MORC3: variants seen among roughly 807,000 people sequenced by gnomAD.
The protein encoded by MORC3 is MORC family CW-type zinc finger protein 3.
In MORC3, 31 loss-of-function variants were observed where a neutral mutation model predicts 109.1. The ratio of observed to expected loss-of-function variants is 0.28; its 90% confidence interval spans 0.21 to 0.38. The LOEUF (loss-of-function observed/expected upper bound fraction) is 0.38. Ranked by LOEUF, MORC3 falls within the 10% of genes least tolerant of loss-of-function variation. The probability of loss-of-function intolerance (pLI) is 1.00; values close to 1 mark genes in which losing one functional copy is unlikely to be tolerated. For synonymous variants in MORC3, 395 were observed against 380.7 expected (o/e 1.04, Z -0.44); for missense variants, 867 against 1,135.8 (o/e 0.76, Z 3.40).
At chr21:36,360,388 T>A in intron 12 of MORC3, 130 bp downstream of exon 12, 1 of 911,420 alleles carries the variant, frequency 1.1e-6, no homozygotes, top group South Asian at 1.7e-5. Context: ...GTGGAGTGCG[T>A]AATATCAAGG....
At chr21:36,338,748 A>G (rs369984612) in intron 4 of MORC3, 26 bp from the exon 5 acceptor site, 30 of 1,577,946 alleles carry the variant, frequency 1.9e-5, no homozygotes, top group East Asian at 9.0e-5. Context: ...TATGTTGTCA[A>G]TCTGAGTCTT....
rs575143054 is a variant in MORC3 at position 36,335,217 on chromosome 21, G to A, written c.112+1499G>A. ...TATGTTTAAGAAACAGATAATAAAG[G>A]GAAATTGTATTCTTAGGAATTCTTA... On this transcript the variant is annotated intron_variant, in intron 2 of 16. Coordinates refer to ENST00000400485, the MANE Select transcript of MORC3 (RefSeq NM_015358.3). Among the ~76,000 whole-genome samples the A allele has an allele frequency of 2.6e-5, 4 of 151,982 alleles. No homozygotes were observed. The South Asian group carries it at 8.3e-4, about 32-fold the overall frequency.
At chr21:36,361,072 TAA>T (rs36107591) in intron 12 of MORC3, among the ~76,000 whole-genome samples, 35 of 139,218 alleles carry the variant, frequency 2.5e-4, no homozygotes, top group South Asian at 4.5e-4. Context: ...GACTCTATCT[TAA>T]AAAAAAAAAA....
At chr21:36,320,805 A>G (rs1299800786) in intron 1 of MORC3, 1 of 155,428 alleles carries the variant, frequency 6.4e-6, no homozygotes, top group South Asian at 2.1e-4. Context: ...CAGTGCCTGC[A>G]GCTTCCTTGG....
At chr21:36,355,054 A>G (rs2085630321) in intron 9 of MORC3, among the ~76,000 whole-genome samples, 1 of 152,128 alleles carries the variant, frequency 6.6e-6, no homozygotes, top group Non-Finnish European at 1.5e-5. Context: ...GATTTCTTTC[A>G]CAGCTTTTTC....
At chr21:36,343,323 G>A (rs1165254995) in intron 6 of MORC3, among the ~76,000 whole-genome samples, 2 of 151,982 alleles carry the variant, frequency 1.3e-5, no homozygotes, top group Non-Finnish European at 1.5e-5. Context: ...TCGAACTCCC[G>A]ACCTCAGTGA....
At chr21:36,337,068 C>A in intron 3 of MORC3, 62 bp downstream of exon 3, 1 of 1,554,780 alleles carries the variant, frequency 6.4e-7, no homozygotes, top group South Asian at 1.2e-5. Context: ...TTTTCCATGC[C>A]ATACTTACTA....
At position 36,369,001 on chromosome 21, in the gene MORC3, C is replaced by T; in HGVS notation, c.1633C>T (p.Leu545Phe). 6.2e-7 allele frequency: 1 copy of T among 1,607,994 alleles called. No individual in the cohort carries two copies. The highest frequency in any genetic ancestry group is 8.5e-7 in the Non-Finnish European group (1 of 1,176,408). The change falls in exon 15 of 17, where the codon CTT (leucine) becomes TTT (phenylalanine). Residue 545 changes from leucine (L) to phenylalanine (F), a missense_variant. By Grantham distance (22) the Leu-to-Phe change is conservative (BLOSUM62 0). This residue lies in a region of MORC3 where 486 missense variants were observed against 502.1 expected (regional missense o/e 0.97). Transcript: ENST00000400485. Reference sequence around the variant, plus strand: ...AATTTTTTTCAGCTTGAAACGGAGACTTTCTACTCGTTCCTCAATTTTGAA... The same window carrying T: ...AATTTTTTTCAGCTTGAAACGGAGATTTTCTACTCGTTCCTCAATTTTGAA... The part of the protein sequence containing the change: ...EPESNSLKRR[L>F]STRSSILNAK...
chr21:36,321,845 C>A (rs1406478976), intron 1 of MORC3, among the ~76,000 whole-genome samples: 1 of 152,148 alleles, frequency 6.6e-6, no homozygotes, highest in Non-Finnish European at 1.5e-5. Context: ...CCCTTCCCGC[C>A]CCCAGGCCCT....
chr21:36,321,957 T>C (rs753542422), intron 1 of MORC3, among the ~76,000 whole-genome samples: 1 of 152,236 alleles, frequency 6.6e-6, no homozygotes, highest in Non-Finnish European at 1.5e-5. Flanking sequence ...GTGTAGCTGC[T>C]GTCCATGTGC....
intron 2 of MORC3, among the ~76,000 whole-genome samples, chr21:36,335,092 G>T (rs2085360632): frequency 6.6e-6 from 1 of 152,138 alleles, no homozygotes. Context: ...TCTTCCTCCA[G>T]CCTGGGCTAC....
intron 9 of MORC3, among the ~76,000 whole-genome samples, chr21:36,352,920 G>C (rs1340385705): frequency 6.6e-6 from 1 of 150,960 alleles, no homozygotes; most frequent in Admixed American, 6.6e-5. Context: ...GCAGTGAGCT[G>C]TGATAGTGCC....
intron 5 of MORC3, among the ~76,000 whole-genome samples, chr21:36,339,947 A>G (rs1245776521): frequency 1.3e-5 from 2 of 152,208 alleles, no homozygotes; most frequent in Non-Finnish European, 2.9e-5. Context: ...GATGTTAGGT[A>G]CACTTCATTC....
intron 16 of MORC3, 31 bp downstream of exon 16, chr21:36,372,562 T>C (rs1351427183): frequency 1.3e-6 from 2 of 1,549,362 alleles, no homozygotes; most frequent in Non-Finnish European, 1.7e-6. Context: ...TTTGTGGGGC[T>C]GCAATTATGG....
chr21:36,321,639 G>A (rs535858018), intron 1 of MORC3, among the ~76,000 whole-genome samples: 6 of 151,456 alleles, frequency 4.0e-5, no homozygotes, highest in African/African-American at 7.3e-5. Context: ...TTAGCTTAAG[G>A]TATTGTAAAG....
At chr21:36,335,214 A>C (rs2146296762) in intron 2 of MORC3, among the ~76,000 whole-genome samples, 1 of 152,286 alleles carries the variant, frequency 6.6e-6, no homozygotes, top group South Asian at 2.1e-4. Flanking sequence ...ACAGATAATA[A>C]AGGGAAATTG....
intron 1 of MORC3, among the ~76,000 whole-genome samples, chr21:36,324,569 G>A (rs141673784): frequency 0.026 from 3,981 of 152,080 alleles, 70 homozygotes; most frequent in Admixed American, 0.046. Flanking sequence ...GAGCCACCAT[G>A]CCTGGCCTAA....
At chr21:36,363,244 C>T (rs2085740759) in intron 13 of MORC3, among the ~76,000 whole-genome samples, 1 of 152,032 alleles carries the variant, frequency 6.6e-6, no homozygotes. Flanking sequence ...TATGGCAAAA[C>T]CCTGTCTCTA....
chr21:36,355,865 A>G (rs141606078), intron 9 of MORC3, among the ~76,000 whole-genome samples: 223 of 151,998 alleles, frequency 1.5e-3, no homozygotes, highest in African/African-American at 4.9e-3. Context: ...CTCAACCTAC[A>G]TATCAAGCAA....
Sources: gnomAD v4.1 joint callset for allele counts (sites outside exome capture counted in the v4.1 genomes callset) on GRCh38, gnomAD v4.1.1 for gene constraint, gnomAD v4.1.1 regional missense constraint, MANE v1.5 for transcripts, NCBI Gene and HGNC (gene_info 2026-07-23, HGNC 2026-07-21) for gene names.